The following CRTAC1 variants were observed in gnomAD, a reference collection of about 807,000 sequenced individuals.
The protein encoded by CRTAC1 is acidic secreted protein in cartilage.
Under a neutral mutation model 67.8 loss-of-function variants are expected in CRTAC1, and 37 were observed. The ratio of observed to expected loss-of-function variants is 0.55; its 90% CI spans 0.42 to 0.72. CRTAC1 has a LOEUF of 0.72. Ranked by LOEUF, CRTAC1 falls within the 30% of genes least tolerant of loss-of-function variation. CRTAC1 has a pLI of 0.00. For synonymous variants in CRTAC1, 348 were observed against 371.0 expected (o/e 0.94, Z 0.71); for missense variants, 780 against 931.6 (o/e 0.84, Z 2.12).
chr10:97,875,457 G>A (rs560314783), intron 14 of CRTAC1, among the ~76,000 whole-genome samples: 9 of 152,222 alleles, frequency 5.9e-5, no homozygotes, highest in African/African-American at 2.2e-4. Flanking sequence ...ACAAGCCACC[G>A]TGGGAGAGGC....
Position 97,965,502 on chromosome 10 carries a change from A to G in CRTAC1, c.225-29136T>C, listed in dbSNP as rs569697433. Among the ~76,000 whole-genome samples the G allele has an allele frequency of 1.1e-4, 17 of 152,242 alleles. No homozygotes were observed. In the South Asian group the frequency reaches 2.3e-3, roughly 20 times the overall value. ...ACTTGAATACTCCCAATGTTGGAAC[A>G]CTTACTACCGCCAGAGGCAACCCTT... On this transcript the variant is annotated intron_variant, in intron 2 of 14. Transcript: ENST00000370597.
Position 97,865,247 on chromosome 10 carries a change from C to A in CRTAC1, c.*301G>T. 3.3e-6 allele frequency: 1 copy of A among 303,234 alleles called. No homozygotes were observed. 18.8% of individuals were successfully genotyped at this position (303,234 alleles called of 1,614,324 possible). On this transcript the variant is annotated 3_prime_UTR_variant, in exon 15 of 15. Coordinates refer to ENST00000370597, the MANE Select transcript of CRTAC1 (RefSeq NM_018058.7). Reference sequence around the variant, plus strand: ...AACTCAGGACACTAAAGTCCTCATACTTCCTGTGCAGTGACACCACCTCCC... The same window carrying A: ...AACTCAGGACACTAAAGTCCTCATAATTCCTGTGCAGTGACACCACCTCCC...
At chr10:98,026,582 G>A (rs1383263620) in intron 1 of CRTAC1, among the ~76,000 whole-genome samples, 1 of 152,002 alleles carries the variant, frequency 6.6e-6, no homozygotes, top group Non-Finnish European at 1.5e-5. Context: ...TAAGACTCCA[G>A]TTTAAAGAGA....
At chr10:97,898,511 T>C (rs561726412) in intron 8 of CRTAC1, among the ~76,000 whole-genome samples, 21 of 152,148 alleles carry the variant, frequency 1.4e-4, no homozygotes, top group Non-Finnish European at 2.8e-4. Flanking sequence ...TGAAGAAAGC[T>C]TGTTGTGCCT....
chr10:97,919,063 G>A (rs1590208711), intron 4 of CRTAC1, among the ~76,000 whole-genome samples: 2 of 152,030 alleles, frequency 1.3e-5, no homozygotes, highest in African/African-American at 4.8e-5. Context: ...CAAAGTGCTG[G>A]AATTACAGGT....
At chr10:97,892,791 C>T (rs1359379057) in intron 11 of CRTAC1, among the ~76,000 whole-genome samples, 1 of 152,124 alleles carries the variant, frequency 6.6e-6, no homozygotes, top group Admixed American at 6.5e-5. Flanking sequence ...CACATAGCTG[C>T]CTTAGGAGTG....
At chr10:97,901,771 G>T (rs902183627) in intron 7 of CRTAC1, 132 bp from the exon 8 acceptor site, 16 of 1,086,772 alleles carry the variant, frequency 1.5e-5, no homozygotes, top group Non-Finnish European at 2.1e-5. Context: ...CCTGCCTCCC[G>T]CAAAGGACCT....
chr10:97,989,125 C>A (rs1313262020), intron 2 of CRTAC1, among the ~76,000 whole-genome samples: 1 of 152,204 alleles, frequency 6.6e-6, no homozygotes, highest in South Asian at 2.1e-4. Flanking sequence ...ATTGGCTCCC[C>A]TGGTTCTCAG....
intron 2 of CRTAC1, among the ~76,000 whole-genome samples, chr10:97,978,453 G>A (rs1351972382): frequency 1.3e-5 from 2 of 152,002 alleles, no homozygotes; most frequent in Non-Finnish European, 1.5e-5. Flanking sequence ...CCAATGAGAC[G>A]ACAGATGTAA....
intron 2 of CRTAC1, among the ~76,000 whole-genome samples, chr10:97,953,443 G>GA (rs2051392215): frequency 6.6e-6 from 1 of 152,128 alleles, no homozygotes; most frequent in Non-Finnish European, 1.5e-5. Context: ...TTGATTTGTA[G>GA]CCTCGATAAA....
Position 97,865,696 on chromosome 10 carries a change from G to T in CRTAC1, c.1838C>A (p.Pro613Gln), listed in dbSNP as rs756768647. The T allele has an allele frequency of 6.2e-7, 1 of 1,604,382 alleles. No homozygotes were observed. The highest frequency in any genetic ancestry group is 8.5e-7 in the Non-Finnish European group (1 of 1,175,586). ...TACVGTLGQS[P>Q]GPRPTTPTAA... ...GGTGGGGGTGGTGGGGCGGGGGCCC[G>T]GTGACTGGCCGAGAGTCCCTGTAGG... Residue 613 changes from proline (P) to glutamine (Q), a missense_variant, in exon 15 of 15, where the codon CCG (proline) becomes CAG (glutamine). By Grantham distance (76) the Pro-to-Gln change is moderately conservative (BLOSUM62 -1). Coordinates refer to ENST00000370597, the MANE Select transcript of CRTAC1 (RefSeq NM_018058.7).
chr10:97,880,138 T>C (rs970089865), intron 14 of CRTAC1, 111 bp downstream of exon 14: 1 of 1,293,708 alleles, frequency 7.7e-7, no homozygotes. Context: ...GGAGACTCTA[T>C]CCAGCCAGGA....
intron 11 of CRTAC1, among the ~76,000 whole-genome samples, chr10:97,889,505 C>A (rs2050335980): frequency 6.6e-6 from 1 of 151,988 alleles, no homozygotes; most frequent in Admixed American, 6.5e-5. Flanking sequence ...GACCCCACAG[C>A]AAGATGTCGC....
At chr10:97,869,824 G>C (rs1380711646) in intron 14 of CRTAC1, 1 of 152,230 alleles carries the variant, frequency 6.6e-6, no homozygotes, top group South Asian at 2.1e-4. Flanking sequence ...CTGGGCTGTC[G>C]AGCCTGGGAA....
At chr10:97,947,054 T>TA (rs939258128) in intron 2 of CRTAC1, among the ~76,000 whole-genome samples, 4 of 152,226 alleles carry the variant, frequency 2.6e-5, no homozygotes, top group African/African-American at 9.6e-5. Context: ...AGCTTCTAGC[T>TA]AAAAAGCTGT....
intron 9 of CRTAC1, 76 bp downstream of exon 9, chr10:97,896,833 T>TGCCCCCCCCC: frequency 6.7e-6 from 3 of 450,862 alleles, no homozygotes; most frequent in Non-Finnish European, 8.3e-6. Context: ...GGCTGCCCCG[T>TGCCCCCCCCC]CCCTCCCGCC....
intron 2 of CRTAC1, among the ~76,000 whole-genome samples, chr10:98,003,240 T>A (rs1842727066): frequency 6.6e-6 from 1 of 152,166 alleles, no homozygotes; most frequent in South Asian, 2.1e-4. Flanking sequence ...ACACCAAGCA[T>A]TCAACATTTT....
At chr10:97,871,082 G>C (rs2050088138) in intron 14 of CRTAC1, 1 of 152,200 alleles carries the variant, frequency 6.6e-6, no homozygotes, top group Non-Finnish European at 1.5e-5. Flanking sequence ...GCCTTCGGAG[G>C]TTTCCGCATG....
At chr10:97,963,157 C>T (rs2051555428) in intron 2 of CRTAC1, among the ~76,000 whole-genome samples, 1 of 152,120 alleles carries the variant, frequency 6.6e-6, no homozygotes, top group South Asian at 2.1e-4. Flanking sequence ...CCTTTGTCAT[C>T]ATTTCCTGTC....
Sources: gnomAD v4.1 joint callset for allele counts (sites outside exome capture counted in the v4.1 genomes callset) on GRCh38, gnomAD v4.1.1 for gene constraint, MANE v1.5 for transcripts, NCBI Gene and HGNC (gene_info 2026-07-23, HGNC 2026-07-21) for gene names.